YIPF1: variants seen among roughly 807,000 people sequenced by gnomAD.
YIPF1 encodes the protein protein YIPF1.
In YIPF1, 22 loss-of-function variants were observed where a neutral mutation model predicts 37.0. The observed-to-expected ratio is 0.59, with a 90% CI of 0.42 to 0.85. The LOEUF (loss-of-function observed/expected upper bound fraction) is 0.85. Among genes scored for constraint, YIPF1 ranks in the 40% least tolerant of loss-of-function variants. The pLI, the probability that YIPF1 is intolerant of heterozygous loss-of-function variation, is 0.00. For missense variants in YIPF1, 355 were observed against 373.1 expected (o/e 0.95, Z 0.40); for synonymous variants, 128 against 131.9 (o/e 0.97, Z 0.21).
intron 4 of YIPF1, chr1:53,882,862 T>C: frequency 3.1e-6 from 1 of 322,738 alleles, no homozygotes; most frequent in Non-Finnish European, 5.6e-6. Flanking sequence ...TATTAGAAAA[T>C]ATTGAGCATG....
chr1:53,865,635 T>A (rs2100726131), intron 9 of YIPF1, among the ~76,000 whole-genome samples: 1 of 152,186 alleles, frequency 6.6e-6, no homozygotes, highest in Middle Eastern at 3.4e-3. Flanking sequence ...ATACAGACAC[T>A]CATCCACACC....
At chr1:53,867,399 G>T (rs1650059115) in intron 7 of YIPF1, among the ~76,000 whole-genome samples, 2 of 129,634 alleles carry the variant, frequency 1.5e-5, no homozygotes, top group South Asian at 5.1e-4. Context: ...TTGAGACAGA[G>T]TCTTGCTCTG....
intron 9 of YIPF1, 128 bp from the exon 10 acceptor site, chr1:53,860,281 ATCACAC>A (rs1239319227): frequency 1.2e-6 from 1 of 801,888 alleles, no homozygotes; most frequent in African/African-American, 1.7e-5. Flanking sequence ...CATATTTGCC[ATCACAC>A]TAAACTACAA....
chr1:53,886,172 G>A (rs1650646549), intron 3 of YIPF1, among the ~76,000 whole-genome samples: 1 of 151,854 alleles, frequency 6.6e-6, no homozygotes, highest in African/African-American at 2.4e-5. Context: ...ATATGAGAAG[G>A]ATGGCCAGAG....
chr1:53,858,418 CAT>C (rs1649780247), intron 10 of YIPF1, among the ~76,000 whole-genome samples: 2 of 152,182 alleles, frequency 1.3e-5, no homozygotes, highest in African/African-American at 4.8e-5. Flanking sequence ...AGCCACCAAA[CAT>C]AAACTACTGA....
intron 6 of YIPF1, among the ~76,000 whole-genome samples, chr1:53,873,632 C>T (rs1288395060): frequency 6.6e-6 from 1 of 151,102 alleles, no homozygotes; most frequent in African/African-American, 2.4e-5. Flanking sequence ...GAGCTATGAT[C>T]ATGCCTCTGA....
chr1:53,881,944 G>A (rs148897294), intron 4 of YIPF1, among the ~76,000 whole-genome samples: 3,821 of 152,206 alleles, frequency 0.025, 173 homozygotes, highest in African/African-American at 0.088. Flanking sequence ...CAATAGCAAA[G>A]ATACGGAATC....
chr1:53,853,350 G>T (rs1649642831), intron 10 of YIPF1, among the ~76,000 whole-genome samples: 1 of 152,236 alleles, frequency 6.6e-6, no homozygotes, highest in Non-Finnish European at 1.5e-5. Flanking sequence ...CATTCCCTGA[G>T]ACAGGAAAAC....
At chr1:53,888,764 G>A in intron 3 of YIPF1, 143 bp downstream of exon 3, 5 of 790,926 alleles carry the variant, frequency 6.3e-6, no homozygotes, top group Non-Finnish European at 9.6e-6. Context: ...GGACAAACAG[G>A]AAACACCTGG....
intron 9 of YIPF1, among the ~76,000 whole-genome samples, 159 bp from the exon 10 acceptor site, chr1:53,860,312 G>A (rs558866024): frequency 1.2e-4 from 18 of 152,262 alleles, no homozygotes; most frequent in African/African-American, 4.1e-4. Context: ...CTCTGTTTAC[G>A]TTTGTCTCAC....
chr1:53,871,639 T>C (rs1650195197), intron 6 of YIPF1, 151 bp from the exon 7 acceptor site: 5 of 624,082 alleles, frequency 8.0e-6, no homozygotes, highest in Non-Finnish European at 1.3e-5. Context: ...GGAAATTTTT[T>C]TTTCAAAGGT....
At chr1:53,866,961 T>G in intron 7 of YIPF1, 37 bp from the exon 8 acceptor site, 1 of 1,585,180 alleles carries the variant, frequency 6.3e-7, no homozygotes, top group South Asian at 1.2e-5. Flanking sequence ...ATCTCCATCA[T>G]GCCTTTAGTA....
chr1:53,860,717 A>T (rs1424126114), intron 9 of YIPF1, among the ~76,000 whole-genome samples: 4 of 152,220 alleles, frequency 2.6e-5, no homozygotes, highest in African/African-American at 9.7e-5. Flanking sequence ...ATACCTTGAA[A>T]AGAGAGTGCT....
intron 6 of YIPF1, among the ~76,000 whole-genome samples, chr1:53,875,679 G>C (rs767331283): frequency 1.1e-4 from 16 of 152,112 alleles, no homozygotes; most frequent in Non-Finnish European, 2.1e-4. Context: ...CTCTCATCCA[G>C]TCGCAATAGC....
chr1:53,871,474 A>G lies in YIPF1; in HGVS notation c.379T>C (p.Cys127Arg). The G allele has an allele frequency of 6.2e-7, 1 of 1,613,876 alleles. No individual in the cohort carries two copies. The highest frequency in any genetic ancestry group is 8.5e-7 in the Non-Finnish European group (1 of 1,179,874). ...GCTATGGCAAAGACCAACGTGGCACATATCCAAAAGGGGCCTGCAAAGGAA... is the reference window on the plus strand; with the variant it reads ...GCTATGGCAAAGACCAACGTGGCACGTATCCAAAAGGGGCCTGCAAAGGAA... ...NPDLYGPFWI[C>R]ATLVFAIAIS... is the part of the protein sequence containing the mutation. Residue 127 changes from cysteine to arginine, a missense_variant, in exon 7 of 11, where the codon TGT becomes CGT. Cys to Arg is a radical substitution (Grantham distance 180). Coordinates refer to ENST00000072644, the MANE Select transcript of YIPF1 (RefSeq NM_018982.5).
chr1:53,855,517 AATG>A (rs899259303), intron 10 of YIPF1, among the ~76,000 whole-genome samples: 8 of 152,174 alleles, frequency 5.3e-5, no homozygotes, highest in Non-Finnish European at 1.2e-4. Flanking sequence ...CACACTGCAT[AATG>A]ATGTTTCAGT....
chr1:53,880,402 A>G (rs1163896121), intron 4 of YIPF1, among the ~76,000 whole-genome samples: 1 of 152,236 alleles, frequency 6.6e-6, no homozygotes, highest in Non-Finnish European at 1.5e-5. Flanking sequence ...CTGCTCAAAG[A>G]AATAAGAGAG....
intron 9 of YIPF1, among the ~76,000 whole-genome samples, chr1:53,862,408 G>A (rs1325185322): frequency 6.6e-6 from 1 of 152,178 alleles, no homozygotes; most frequent in African/African-American, 2.4e-5. Flanking sequence ...TTCTCTGTGA[G>A]TAGGGGTAGG....
At chr1:53,852,943 A>G (rs1250315608) in intron 10 of YIPF1, among the ~76,000 whole-genome samples, 32 of 152,196 alleles carry the variant, frequency 2.1e-4, no homozygotes, top group Admixed American at 2.1e-3. Flanking sequence ...TCAAATATGA[A>G]ATGATCGGTC....
Sources: allele counts gnomAD v4.1 joint callset (sites outside exome capture counted in the v4.1 genomes callset), GRCh38; gene constraint gnomAD v4.1.1; transcripts MANE v1.5; gene names NCBI Gene and HGNC (gene_info 2026-07-23, HGNC 2026-07-21).